The following ENO4 variants were observed in gnomAD, a reference collection of about 807,000 sequenced individuals.
ENO4 encodes 2-phospho-D-glycerate hydro-lyase.
ENO4 carries 53 observed loss-of-function variants against 63.2 expected under a neutral mutation model. The ratio of observed to expected loss-of-function variants is 0.84; its 90% CI spans 0.67 to 1.05. ENO4 has a LOEUF of 1.05. Among genes scored for constraint, ENO4 ranks in the 50% least tolerant of loss-of-function variants. The pLI is 0.00. For synonymous variants in ENO4, 266 were observed against 283.8 expected (o/e 0.94, Z 0.63); for missense variants, 719 against 772.0 (o/e 0.93, Z 0.81).
At chr10:116,853,404 A>G (rs908470295) in intron 1 of ENO4, among the ~76,000 whole-genome samples, 2 of 152,108 alleles carry the variant, frequency 1.3e-5, no homozygotes, top group African/African-American at 4.8e-5. Context: ...GATGGAGATG[A>G]TATCACATAG....
downstream of ENO4, chr10:116,886,113 AAAC>A (rs2133293617): frequency 1.8e-6 from 1 of 567,690 alleles, no homozygotes; most frequent in Admixed American, 3.4e-5. Flanking sequence ...ACTAGGAAAA[AAAC>A]CTCATCTTTA....
In ENO4 at chr10:116,899,747, A is replaced by G. The variant is rs574241053; in HGVS notation, c.1195-11752A>G. 3.3e-5 allele frequency among the ~76,000 whole-genome samples: 5 copies of G among 152,250 alleles called. No homozygotes were observed. The East Asian group carries it at 9.7e-4, about 29-fold the overall frequency. On this transcript the variant is annotated intron_variant, in intron 10 of 10. Coordinates refer to the ENO4 transcript ENST00000369207. ...GACAGTTTTTAAAAGCAAAGGAAAT[A>G]CTTTACTTATTAATTGCTGACCCGA...
intron 10 of ENO4, among the ~76,000 whole-genome samples, chr10:116,893,242 A>G (rs1847395468): frequency 6.6e-6 from 1 of 152,066 alleles, no homozygotes; most frequent in African/African-American, 2.4e-5. Flanking sequence ...GGAAGGAAAA[A>G]AAATGAAGTG....
Position 116,861,153 on chromosome 10 carries a change from T to C in ENO4, c.899T>C (p.Val300Ala), listed in dbSNP as rs1846398444. 6.5e-7 allele frequency: 1 copy of C among 1,543,902 alleles called. No individual in the cohort carries two copies. Among genetic ancestry groups the C allele is most frequent in the African/African-American group, 1.4e-5 (1 of 72,338 alleles). ...SSGKLNLMKE[V>A]ICIPHPELTT... is the part of the protein sequence containing the mutation. Reference sequence around the variant, plus strand: ...GGGAAGCTAAATTTAATGAAAGAAGTGATTTGTATACCCCATCCTGAATTA... The same window carrying C: ...GGGAAGCTAAATTTAATGAAAGAAGCGATTTGTATACCCCATCCTGAATTA... Residue 300 changes from valine (V) to alanine (A), a missense_variant, in exon 6 of 14, where the codon GTG (valine) becomes GCG (alanine). By Grantham distance (64) the Val-to-Ala change is moderately conservative. Coordinates refer to ENST00000341276, the MANE Select transcript of ENO4 (RefSeq NM_001242699.2).
chr10:116,875,589 G>GCACACACACA (rs1846811285), intron 10 of ENO4, among the ~76,000 whole-genome samples: 1 of 40,188 alleles, frequency 2.5e-5, no homozygotes, highest in South Asian at 7.6e-4. Context: ...ACACACACAT[G>GCACACACACA]CACATGTATG....
chr10:116,911,180 A>G (rs1023027164), intron 10 of ENO4, among the ~76,000 whole-genome samples: 8 of 152,242 alleles, frequency 5.3e-5, no homozygotes, highest in African/African-American at 1.9e-4. Flanking sequence ...AGAGTGCAGT[A>G]GCCGCTGATT....
chr10:116,898,943 ATGT>A (rs2133318115), intron 10 of ENO4, among the ~76,000 whole-genome samples: 1 of 152,316 alleles, frequency 6.6e-6, no homozygotes, highest in African/African-American at 2.4e-5. Context: ...ATCTATACAT[ATGT>A]TGATTTTAGG....
At chr10:116,875,080 A>T (rs918774726) in intron 10 of ENO4, among the ~76,000 whole-genome samples, 2 of 152,170 alleles carry the variant, frequency 1.3e-5, no homozygotes, top group African/African-American at 4.8e-5. Context: ...CAACCAACTT[A>T]CACTCCAAAA....
intron 10 of ENO4, among the ~76,000 whole-genome samples, chr10:116,891,565 G>C (rs1847343702): frequency 6.6e-6 from 1 of 152,190 alleles, no homozygotes; most frequent in South Asian, 2.1e-4. Context: ...AAACTCCAAA[G>C]AGGAAGTTCC....
At chr10:116,877,748 G>A (rs1370774470) in intron 11 of ENO4, among the ~76,000 whole-genome samples, 1 of 152,150 alleles carries the variant, frequency 6.6e-6, no homozygotes, top group East Asian at 1.9e-4. Flanking sequence ...TGCCAGAGGA[G>A]AGCAGCTTTA....
intron 3 of ENO4, among the ~76,000 whole-genome samples, chr10:116,857,261 C>T (rs1174766016): frequency 6.6e-6 from 1 of 152,080 alleles, no homozygotes; most frequent in Non-Finnish European, 1.5e-5. Flanking sequence ...AAAAACAATC[C>T]GATTATGAAT....
At chr10:116,853,158 G>A (rs1564842800) in intron 1 of ENO4, among the ~76,000 whole-genome samples, 1 of 152,074 alleles carries the variant, frequency 6.6e-6, no homozygotes, top group African/African-American at 2.4e-5. Flanking sequence ...AGCTGGGAGT[G>A]GTGTCGGGCG....
intron 11 of ENO4, among the ~76,000 whole-genome samples, chr10:116,878,742 CT>C (rs10635577): frequency 0.028 from 3,210 of 114,246 alleles, 85 homozygotes; most frequent in African/African-American, 0.1. Flanking sequence ...AATCATATAT[CT>C]TTTTTTTTTT....
chr10:116,856,165 T>G (rs1249302854), intron 2 of ENO4, among the ~76,000 whole-genome samples: 1 of 152,226 alleles, frequency 6.6e-6, no homozygotes, highest in East Asian at 1.9e-4. Context: ...TTCACTTTGC[T>G]ACATATTTGT....
intron 4 of ENO4, among the ~76,000 whole-genome samples, chr10:116,860,151 C>T (rs115566804): frequency 0.02 from 3,111 of 152,256 alleles, 101 homozygotes; most frequent in African/African-American, 0.07. Flanking sequence ...GAACCACATC[C>T]GCAGCTGTGA....
At chr10:116,908,270 C>T (rs1435382937) in intron 10 of ENO4, among the ~76,000 whole-genome samples, 1 of 152,100 alleles carries the variant, frequency 6.6e-6, no homozygotes, top group African/African-American at 2.4e-5. Context: ...AGAAGTATCT[C>T]TTTTTATTTT....
chr10:116,901,756 G>T lies in ENO4; in HGVS notation c.1195-9743G>T, dbSNP rs201551399. ...TATACACCACTTAGTAAAGAGCATC[G>T]TTACTTACTGAAACGTAACCTTGGA... On this transcript the variant is annotated intron_variant, in intron 10 of 10. Coordinates refer to the ENO4 transcript ENST00000369207. 4.4e-6 allele frequency: 7 copies of T among 1,581,696 alleles called. No individual in the cohort carries two copies. In the South Asian group the frequency reaches 8.2e-5, roughly 18 times the overall value.
At chr10:116,866,893 AT>A (rs1451845413) in intron 7 of ENO4, among the ~76,000 whole-genome samples, 1 of 152,162 alleles carries the variant, frequency 6.6e-6, no homozygotes, top group South Asian at 2.1e-4. Context: ...TAGTAATTGA[AT>A]ATAGAAAGAT....
At chr10:116,854,411 T>C (rs1219710791) in intron 1 of ENO4, among the ~76,000 whole-genome samples, 1 of 151,684 alleles carries the variant, frequency 6.6e-6, no homozygotes, top group Non-Finnish European at 1.5e-5. Context: ...TACAAAAGAA[T>C]TAGCCAGCCG....
Sources: gnomAD v4.1 joint callset for allele counts (sites outside exome capture counted in the v4.1 genomes callset) on GRCh38, gnomAD v4.1.1 for gene constraint, MANE v1.5 for transcripts, NCBI Gene and HGNC (gene_info 2026-07-23, HGNC 2026-07-21) for gene names.